Variants in STPG2 observed in about 807,000 individuals in gnomAD.
The protein encoded by STPG2 is sperm tail PG-rich repeat containing 2.
Under a neutral mutation model 54.2 loss-of-function variants are expected in STPG2, and 56 were observed. The ratio of observed to expected loss-of-function variants is 1.03; its 90% CI spans 0.83 to 1.29. The LOEUF (loss-of-function observed/expected upper bound fraction) is 1.29, where lower values mean the gene tolerates loss of function less well. Ranked by LOEUF, STPG2 falls within the 50% of genes most tolerant of loss-of-function variation. STPG2 has a pLI of 0.00. For missense variants in STPG2, 596 were observed against 544.9 expected, an observed-to-expected ratio of 1.09 and a Z score of -0.93; for synonymous variants, 200 against 181.8, an observed-to-expected ratio of 1.10 and a Z score of -0.81.
chr4:97,847,128 G>C (rs1224467260), intron 8 of STPG2, among the ~76,000 whole-genome samples: 1 of 152,070 alleles, frequency 6.6e-6, no homozygotes, highest in Non-Finnish European at 1.5e-5. Context: ...ATATAGTTAT[G>C]TTTGCCTAAA....
At chr4:98,031,263 A>C (rs556603418) in intron 5 of STPG2, among the ~76,000 whole-genome samples, 1 of 152,356 alleles carries the variant, frequency 6.6e-6, no homozygotes, top group South Asian at 2.1e-4. Context: ...AAGATTGATT[A>C]AGGACTTAAA....
At chr4:97,458,960 T>C (rs1017450348) in intron 4 of STPG2, among the ~76,000 whole-genome samples, 5 of 152,142 alleles carry the variant, frequency 3.3e-5, no homozygotes, top group African/African-American at 7.2e-5. Context: ...GACTATATTA[T>C]AGATAATAAT....
intron 10 of STPG2, among the ~76,000 whole-genome samples, chr4:97,638,678 G>T (rs1047192866): frequency 1.4e-5 from 2 of 142,406 alleles, no homozygotes; most frequent in Non-Finnish European, 3.0e-5. Context: ...TCAAAAAGTG[G>T]GCGAAGGACA....
chr4:97,751,414 A>G (rs1407509772), intron 9 of STPG2, among the ~76,000 whole-genome samples: 1 of 151,834 alleles, frequency 6.6e-6, no homozygotes, highest in Admixed American at 6.6e-5. Flanking sequence ...ATAGTTTTAT[A>G]TGTTTCTTAA....
At chr4:97,928,277 A>T (rs1261365223) in intron 8 of STPG2, among the ~76,000 whole-genome samples, 2 of 152,056 alleles carry the variant, frequency 1.3e-5, no homozygotes, top group Non-Finnish European at 2.9e-5. Context: ...TTTACTTGCC[A>T]CTCTGGGTTC....
At chr4:98,105,410 C>T (rs544663957) in intron 5 of STPG2, among the ~76,000 whole-genome samples, 19 of 152,186 alleles carry the variant, frequency 1.2e-4, no homozygotes, top group Admixed American at 3.3e-4. Context: ...TTCCTCAGAG[C>T]GGCTGAGGGT....
chr4:98,012,386 T>A (rs1184761056), intron 5 of STPG2, among the ~76,000 whole-genome samples: 1 of 152,228 alleles, frequency 6.6e-6, no homozygotes, highest in Non-Finnish European at 1.5e-5. Flanking sequence ...AGTAGCATGA[T>A]GCCTCCAGCT....
At chr4:97,795,012 A>G (rs1184147455) in intron 9 of STPG2, among the ~76,000 whole-genome samples, 1 of 152,176 alleles carries the variant, frequency 6.6e-6, no homozygotes, top group Non-Finnish European at 1.5e-5. Flanking sequence ...AAATACAGCC[A>G]CTATAATAAT....
chr4:97,648,989 A>C (rs1214714042), intron 10 of STPG2, among the ~76,000 whole-genome samples: 1 of 152,126 alleles, frequency 6.6e-6, no homozygotes, highest in Non-Finnish European at 1.5e-5. Flanking sequence ...ACCAAACCCT[A>C]ATTGTCTGAT....
At chr4:97,837,539 C>T (rs1728669566) in intron 9 of STPG2, among the ~76,000 whole-genome samples, 1 of 151,568 alleles carries the variant, frequency 6.6e-6, no homozygotes, top group Non-Finnish European at 1.5e-5. Flanking sequence ...TGAATTAAAA[C>T]TTGGTGTAAT....
chr4:98,135,437 C>T (rs539161088), intron 1 of STPG2, among the ~76,000 whole-genome samples: 49 of 151,654 alleles, frequency 3.2e-4, no homozygotes, highest in African/African-American at 1.1e-3. Flanking sequence ...TAGATCTTAC[C>T]TCTAAAAAAG....
intron 10 of STPG2, among the ~76,000 whole-genome samples, chr4:97,576,309 G>A (rs1470666187): frequency 2.0e-5 from 3 of 146,442 alleles, no homozygotes; most frequent in Non-Finnish European, 4.5e-5. Context: ...AATAGCCAGA[G>A]CAGTCCTAAC....
chr4:97,837,533 T>C (rs1176302091), intron 9 of STPG2, among the ~76,000 whole-genome samples: 1 of 151,692 alleles, frequency 6.6e-6, no homozygotes, highest in Non-Finnish European at 1.5e-5. Flanking sequence ...TATCCATGAA[T>C]TAAAACTTGG....
intron 3 of STPG2, among the ~76,000 whole-genome samples, chr4:98,109,535 T>C (rs1223978371): frequency 6.6e-6 from 1 of 152,112 alleles, no homozygotes; most frequent in Non-Finnish European, 1.5e-5. Context: ...CCTCTAACAT[T>C]AGCATATTCT....
intron 8 of STPG2, among the ~76,000 whole-genome samples, chr4:97,915,686 C>T (rs1434182726): frequency 6.6e-6 from 1 of 151,932 alleles, no homozygotes; most frequent in African/African-American, 2.4e-5. Context: ...ATGACGGAGG[C>T]AGGAAAGTTC....
chr4:97,961,899 C>G (rs1733903364), intron 7 of STPG2, among the ~76,000 whole-genome samples: 1 of 152,180 alleles, frequency 6.6e-6, no homozygotes, highest in Non-Finnish European at 1.5e-5. Flanking sequence ...GAAAAAGATA[C>G]TTGCACACGC....
chr4:97,834,222 G>A (rs923133931), intron 9 of STPG2, among the ~76,000 whole-genome samples: 2 of 152,078 alleles, frequency 1.3e-5, no homozygotes, highest in Admixed American at 1.3e-4. Flanking sequence ...CATGGATGAA[G>A]CTGGAAACCA....
intron 5 of STPG2, among the ~76,000 whole-genome samples, chr4:98,101,622 T>C (rs967955500): frequency 2.3e-4 from 35 of 152,146 alleles, no homozygotes; most frequent in African/African-American, 7.5e-4. Context: ...AGCAGCAGCG[T>C]AGCAATTCCT....
intron 4 of STPG2, among the ~76,000 whole-genome samples, chr4:97,543,953 T>C (rs1365231901): frequency 6.6e-6 from 1 of 152,020 alleles, no homozygotes. Flanking sequence ...ATTAGTATAC[T>C]TCAATGAGAA....
Sources: gnomAD v4.1 joint callset for allele counts (sites outside exome capture counted in the v4.1 genomes callset) on GRCh38, gnomAD v4.1.1 for gene constraint, MANE v1.5 for transcripts, NCBI Gene and HGNC (gene_info 2026-07-23, HGNC 2026-07-21) for gene names.